SEMA3A: variants seen among roughly 807,000 people sequenced by gnomAD.
SEMA3A encodes the protein semaphorin 3A.
A neutral mutation model predicts 97.9 loss-of-function variants in SEMA3A; 29 were observed. That is an observed-to-expected ratio of 0.30 (90% CI 0.22 to 0.40). SEMA3A has a LOEUF of 0.40. SEMA3A is among the 10% of genes least tolerant of loss of function. The pLI, the probability that SEMA3A is intolerant of heterozygous loss-of-function variation, is 1.00. For synonymous variants in SEMA3A, 321 were observed against 323.7 expected, an observed-to-expected ratio of 0.99 and a Z score of 0.09; for missense variants, 763 against 951.3, an observed-to-expected ratio of 0.80 and a Z score of 2.60.
rs1185945568 is a variant in SEMA3A, at chr7:83,959,972, C to T, written c.*1399G>A. ...TTTTACATTGTTTAAATGTGGGTTGCATCCTGGAAAATACTTTGTAGAAAA... is the reference window on the plus strand; with the variant it reads ...TTTTACATTGTTTAAATGTGGGTTGTATCCTGGAAAATACTTTGTAGAAAA... On this transcript the variant is annotated 3_prime_UTR_variant, in exon 17 of 17. Transcript: ENST00000265362. 6.6e-6 allele frequency: 1 copy of T among 152,018 alleles called. No homozygotes were observed. Among genetic ancestry groups the T allele is most frequent in the African/African-American group, 2.4e-5 (1 of 41,434 alleles). The allele number at this position is 152,018 out of a possible 1,614,324, so 9.4% of individuals were successfully genotyped here.
upstream of SEMA3A, among the ~76,000 whole-genome samples, chr7:84,196,749 G>T (rs1286387811): frequency 6.6e-6 from 1 of 152,014 alleles, no homozygotes; most frequent in African/African-American, 2.4e-5. Flanking sequence ...ATGTCGCTTT[G>T]GGATTATTTC....
Position 84,192,912 on chromosome 7 carries a change from C to G in SEMA3A, c.112+1563G>C, listed in dbSNP as rs180771081. The stretch of plus-strand genomic sequence containing the variant: ...GAACATAAACTTGGATAAAGTGGAC[C>G]ATCAACTTAGACTTATTTGATGTCA... On this transcript the variant is annotated intron_variant, in intron 1 of 16. Coordinates refer to ENST00000265362, the MANE Select transcript of SEMA3A (RefSeq NM_006080.3). Among the ~76,000 whole-genome samples, 11 of 151,880 alleles carry G rather than the reference C, an allele frequency of 7.2e-5. No homozygotes were observed. In the East Asian group the frequency reaches 2.1e-3, roughly 29 times the overall value.
rs113915424 is a variant in SEMA3A at position 84,091,336 on chromosome 7, A to G, written c.453+19134T>C. ...AGGAAGGAAGGAAGAGAGAGAGAGA[A>G]AGAGGAGGGAAGGAAGGAAGAAAGG... On this transcript the variant is annotated intron_variant, in intron 4 of 16. Transcript: ENST00000265362. Among the ~76,000 whole-genome samples, 1,032 of 144,248 alleles carry G rather than the reference A, an allele frequency of 7.2e-3. 12 individuals are homozygous for G. Among genetic ancestry groups the G allele is most frequent in the African/African-American group, 0.021 (836 of 40,044 alleles). The allele number at this position is 144,248 out of a possible 152,430, so 94.6% of individuals were successfully genotyped here.
intron 1 of SEMA3A, among the ~76,000 whole-genome samples, chr7:84,445,185 G>C (rs1485194651): frequency 6.6e-6 from 1 of 151,656 alleles, no homozygotes; most frequent in Admixed American, 6.6e-5. Flanking sequence ...GACCACACTG[G>C]GATGGTATTA....
chr7:84,404,287 G>T (rs142931661), intron 1 of SEMA3A, among the ~76,000 whole-genome samples: 80 of 152,156 alleles, frequency 5.3e-4, no homozygotes, highest in African/African-American at 1.6e-3. Flanking sequence ...TGGAAGAAAG[G>T]GTATCAGCGA....
intron 1 of SEMA3A, among the ~76,000 whole-genome samples, chr7:84,456,875 C>T (rs962396538): frequency 4.0e-5 from 6 of 151,608 alleles, no homozygotes; most frequent in Admixed American, 6.6e-5. Context: ...GTTAAATTTT[C>T]TTATATCCAC....
At chr7:84,475,163 G>A (rs556729873) in intron 1 of SEMA3A, among the ~76,000 whole-genome samples, 1 of 152,106 alleles carries the variant, frequency 6.6e-6, no homozygotes, top group African/African-American at 2.4e-5. Flanking sequence ...ACTCCCTGGT[G>A]AATGTGTGTT....
At chr7:84,450,513 T>G (rs1805528250) in intron 1 of SEMA3A, among the ~76,000 whole-genome samples, 1 of 152,226 alleles carries the variant, frequency 6.6e-6, no homozygotes, top group African/African-American at 2.4e-5. Flanking sequence ...AACACTCATC[T>G]GTGATGCAAT....
chr7:84,306,766 G>A (rs1398342017), intron 3 of SEMA3A, among the ~76,000 whole-genome samples: 1 of 152,112 alleles, frequency 6.6e-6, no homozygotes. Context: ...CCCTGAGTGT[G>A]GCACTCAGCC....
rs564442149 is a variant in SEMA3A at position 84,477,298 on chromosome 7, G to C, written c.-246+15162C>G. Among the ~76,000 whole-genome samples the C allele has an allele frequency of 7.3e-5, 11 of 150,464 alleles. No homozygotes were observed. In the South Asian group the frequency reaches 1.9e-3, roughly 26 times the overall value. On this transcript the variant is annotated intron_variant, in intron 1 of 3. Coordinates refer to the SEMA3A transcript ENST00000424555. The stretch of plus-strand genomic sequence containing the variant: ...CTAAAAATACAAAAAAATTAGCCAG[G>C]CATGGTGGAGGGCACCTGTAGTCCC...
At chr7:84,330,925 G>A (rs1055291267) in intron 2 of SEMA3A, among the ~76,000 whole-genome samples, 7 of 152,018 alleles carry the variant, frequency 4.6e-5, no homozygotes. Flanking sequence ...AGGGTGGCTA[G>A]CCAAGGCATT....
intron 1 of SEMA3A, among the ~76,000 whole-genome samples, chr7:84,483,153 A>G (rs1213390960): frequency 6.6e-6 from 1 of 152,164 alleles, no homozygotes; most frequent in Non-Finnish European, 1.5e-5. Flanking sequence ...AGTCCTTAAA[A>G]TTAATTTTCT....
chr7:84,030,756 C>A (rs1024362789), intron 6 of SEMA3A, among the ~76,000 whole-genome samples: 1 of 152,072 alleles, frequency 6.6e-6, no homozygotes, highest in African/African-American at 2.4e-5. Context: ...CCTTTCTTCA[C>A]TATGTTAAGA....
intron 4 of SEMA3A, among the ~76,000 whole-genome samples, chr7:84,103,531 G>C (rs1003086831): frequency 6.6e-6 from 1 of 152,196 alleles, no homozygotes; most frequent in South Asian, 2.1e-4. Flanking sequence ...ACTTACTGAT[G>C]TCCATTTATT....
intron 3 of SEMA3A, among the ~76,000 whole-genome samples, chr7:84,276,650 T>C (rs1452206676): frequency 6.6e-6 from 1 of 152,150 alleles, no homozygotes; most frequent in Non-Finnish European, 1.5e-5. Context: ...AGCCCTTCTT[T>C]TGTTATTACA....
intron 15 of SEMA3A, among the ~76,000 whole-genome samples, chr7:83,966,510 AC>A (rs1391032441): frequency 2.0e-5 from 3 of 152,072 alleles, no homozygotes; most frequent in Non-Finnish European, 4.4e-5. Flanking sequence ...TCCCAAGTTT[AC>A]CCTTTCTTTC....
intron 2 of SEMA3A, among the ~76,000 whole-genome samples, chr7:84,321,393 A>T (rs550653241): frequency 6.6e-6 from 1 of 152,302 alleles, no homozygotes; most frequent in African/African-American, 2.4e-5. Context: ...TGCAACAGAG[A>T]CTCAATATAA....
chr7:84,360,881 C>G (rs1188895401), intron 2 of SEMA3A, among the ~76,000 whole-genome samples: 2 of 151,812 alleles, frequency 1.3e-5, no homozygotes, highest in African/African-American at 2.4e-5. Context: ...GCAACCTCTG[C>G]CATGCCAGGT....
chr7:83,978,277 C>A (rs1167409204), intron 14 of SEMA3A, among the ~76,000 whole-genome samples: 1 of 152,124 alleles, frequency 6.6e-6, no homozygotes, highest in East Asian at 1.9e-4. Flanking sequence ...AAGAGAAAAG[C>A]AAAGTTTGCT....
Sources: gnomAD v4.1 joint callset for allele counts (sites outside exome capture counted in the v4.1 genomes callset) on GRCh38, gnomAD v4.1.1 for gene constraint, MANE v1.5 for transcripts, NCBI Gene and HGNC (gene_info 2026-07-23, HGNC 2026-07-21) for gene names.